The following ACAD11 variants were observed in gnomAD, a reference collection of about 807,000 sequenced individuals.
ACAD11 encodes the protein acyl-Coenzyme A dehydrogenase family, member 11.
A neutral mutation model predicts 102.2 loss-of-function variants in ACAD11; 83 were observed. The ratio of observed to expected loss-of-function variants is 0.81; its 90% CI spans 0.68 to 0.97. The LOEUF is 0.97. ACAD11 is among the 50% of genes least tolerant of loss of function. ACAD11 has a pLI of 0.00. For synonymous variants in ACAD11, 324 were observed against 319.8 expected (o/e 1.01, Z -0.14); for missense variants, 901 against 951.7 (o/e 0.95, Z 0.70).
At chr3:132,569,517 A>C (rs1937316252) in intron 17 of ACAD11, among the ~76,000 whole-genome samples, 1 of 152,222 alleles carries the variant, frequency 6.6e-6, no homozygotes, top group Non-Finnish European at 1.5e-5. Flanking sequence ...AAGCCTACAC[A>C]AATGTTTACA....
intron 11 of ACAD11, among the ~76,000 whole-genome samples, chr3:132,614,827 G>C (rs1362666036): frequency 6.6e-6 from 1 of 152,070 alleles, no homozygotes; most frequent in Non-Finnish European, 1.5e-5. Context: ...AGACAAATAG[G>C]ATCTAATTAA....
At chr3:132,625,121 C>T (rs895527682) in intron 9 of ACAD11, among the ~76,000 whole-genome samples, 2 of 152,122 alleles carry the variant, frequency 1.3e-5, no homozygotes, top group African/African-American at 4.8e-5. Context: ...ATTTCTTTTC[C>T]TCTTCTCATT....
At chr3:132,586,891 G>A (rs1157505383) in intron 13 of ACAD11, among the ~76,000 whole-genome samples, 5 of 152,228 alleles carry the variant, frequency 3.3e-5, no homozygotes, top group South Asian at 2.1e-4. Flanking sequence ...CCAGGAGTTC[G>A]AGACCAGCCT....
chr3:132,616,211 A>C (rs1576593232), intron 11 of ACAD11, among the ~76,000 whole-genome samples: 1 of 152,222 alleles, frequency 6.6e-6, no homozygotes, highest in Admixed American at 6.5e-5. Context: ...TCTTAGAGCA[A>C]ATCTCTGTCC....
At chr3:132,611,625 T>C (rs9816059) in intron 11 of ACAD11, among the ~76,000 whole-genome samples, 9 of 152,114 alleles carry the variant, frequency 5.9e-5, no homozygotes, top group African/African-American at 2.2e-4. Flanking sequence ...CCATTCACAA[T>C]TGCTTCAAAG....
chr3:132,658,812 C>T (rs1486895356), intron 1 of ACAD11, among the ~76,000 whole-genome samples: 2 of 152,098 alleles, frequency 1.3e-5, no homozygotes, highest in Non-Finnish European at 2.9e-5. Flanking sequence ...GCAATTTTTA[C>T]GCCCTTTCAC....
intron 9 of ACAD11, chr3:132,621,033 T>C (rs894058073): frequency 6.6e-6 from 1 of 152,136 alleles, no homozygotes. Context: ...ATATGAGTGG[T>C]AAAGGAATAT....
chr3:132,589,124 CA>C (rs1937969517), intron 13 of ACAD11, among the ~76,000 whole-genome samples: 1 of 152,192 alleles, frequency 6.6e-6, no homozygotes, highest in Non-Finnish European at 1.5e-5. Flanking sequence ...AACCAGAATG[CA>C]GGCCCTCACC....
chr3:132,617,417 C>G (rs558449511), intron 11 of ACAD11, among the ~76,000 whole-genome samples: 8 of 152,264 alleles, frequency 5.3e-5, no homozygotes, highest in African/African-American at 1.9e-4. Context: ...TTCATCTTTT[C>G]AATTTGATTT....
chr3:132,627,258 T>C (rs888053647), intron 8 of ACAD11, among the ~76,000 whole-genome samples: 1 of 152,166 alleles, frequency 6.6e-6, no homozygotes, highest in Non-Finnish European at 1.5e-5. Context: ...TGGGCGCCTG[T>C]TGGCAGGACC....
rs563878238 is a variant in ACAD11 at position 132,614,883 on chromosome 3, C to A, written c.1414+3751G>T. On this transcript the variant is annotated intron_variant, in intron 11 of 19. Transcript: ENST00000264990. The stretch of plus-strand genomic sequence containing the variant: ...CAAAAGAAACTATCACCAGAGTGAA[C>A]AGGCCACCTACAGAATGGGAGAAAA... 2.0e-5 allele frequency among the ~76,000 whole-genome samples: 3 copies of A among 152,278 alleles called. No individual in the cohort carries two copies. The South Asian group carries it at 6.2e-4, about 32-fold the overall frequency.
chr3:132,592,962 A>G (rs1938142227), intron 13 of ACAD11, among the ~76,000 whole-genome samples: 1 of 152,170 alleles, frequency 6.6e-6, no homozygotes, highest in African/African-American at 2.4e-5. Flanking sequence ...TAATGTTACA[A>G]GCTGCTGCTA....
chr3:132,577,050 A>T, intron 15 of ACAD11, 35 bp from the exon 16 acceptor site: 1 of 1,305,732 alleles, frequency 7.7e-7, no homozygotes, highest in Non-Finnish European at 1.1e-6. Flanking sequence ...GAGCAAAAGG[A>T]GTTGACTAAA....
At chr3:132,645,675 A>G (rs1940689997) in intron 1 of ACAD11, among the ~76,000 whole-genome samples, 1 of 151,804 alleles carries the variant, frequency 6.6e-6, no homozygotes, top group African/African-American at 2.4e-5. Context: ...GAGAAAGTAG[A>G]AAAAAAAATC....
At chr3:132,607,213 T>A (rs886552601) in intron 11 of ACAD11, among the ~76,000 whole-genome samples, 2 of 152,152 alleles carry the variant, frequency 1.3e-5, no homozygotes, top group African/African-American at 4.8e-5. Context: ...AGAATGCCTC[T>A]TCTCTCCAAA....
chr3:132,615,938 A>C (rs1477985844), intron 11 of ACAD11, among the ~76,000 whole-genome samples: 1 of 152,206 alleles, frequency 6.6e-6, no homozygotes, highest in Non-Finnish European at 1.5e-5. Flanking sequence ...GGCAAACTGG[A>C]AGACTACATA....
At chr3:132,592,610 G>A (rs1167484100) in intron 13 of ACAD11, among the ~76,000 whole-genome samples, 1 of 152,136 alleles carries the variant, frequency 6.6e-6, no homozygotes, top group Non-Finnish European at 1.5e-5. Flanking sequence ...AGTGTGGTTT[G>A]TAACAATTAA....
intron 6 of ACAD11, 87 bp downstream of exon 6, chr3:132,631,253 TA>T: frequency 1.3e-6 from 1 of 783,154 alleles, no homozygotes; most frequent in Non-Finnish European, 1.8e-6. Context: ...AACTATTATC[TA>T]AAATTGCAAG....
At chr3:132,594,635 G>T (rs1407482175) in intron 13 of ACAD11, among the ~76,000 whole-genome samples, 1 of 152,166 alleles carries the variant, frequency 6.6e-6, no homozygotes, top group African/African-American at 2.4e-5. Flanking sequence ...TGGTATATCT[G>T]ATCTAATCTG....
Sources: gnomAD v4.1 joint callset for allele counts (sites outside exome capture counted in the v4.1 genomes callset) on GRCh38, gnomAD v4.1.1 for gene constraint, MANE v1.5 for transcripts, NCBI Gene and HGNC (gene_info 2026-07-23, HGNC 2026-07-21) for gene names.